ARHGAP10: variants seen among roughly 807,000 people sequenced by gnomAD.
ARHGAP10 encodes rho GTPase-activating protein 10.
A neutral mutation model predicts 108.6 loss-of-function variants in ARHGAP10; 87 were observed. The ratio of observed to expected loss-of-function variants is 0.80; its 90% CI spans 0.67 to 0.96. ARHGAP10 has a LOEUF of 0.96. ARHGAP10 is among the 40% of genes least tolerant of loss of function. The pLI, the probability that ARHGAP10 is intolerant of heterozygous loss-of-function variation, is 0.00. For missense variants in ARHGAP10, 939 were observed against 954.5 expected (o/e 0.98, Z 0.21); for synonymous variants, 347 against 341.1 (o/e 1.02, Z -0.19).
At chr4:147,983,310 C>CA (rs754331704) in intron 18 of ARHGAP10, among the ~76,000 whole-genome samples, 25 of 151,852 alleles carry the variant, frequency 1.6e-4, no homozygotes, top group Non-Finnish European at 3.5e-4. Flanking sequence ...CTCAGCCTCC[C>CA]GAGTAGCTGG....
intron 4 of ARHGAP10, among the ~76,000 whole-genome samples, chr4:147,851,346 A>G (rs1733869844): frequency 1.3e-5 from 2 of 151,954 alleles, no homozygotes; most frequent in Admixed American, 6.6e-5. Context: ...CTGAGCAGCC[A>G]GGACTACAGA....
intron 18 of ARHGAP10, among the ~76,000 whole-genome samples, chr4:147,986,220 T>C (rs1280532706): frequency 1.3e-5 from 2 of 151,764 alleles, no homozygotes; most frequent in Non-Finnish European, 2.9e-5. Flanking sequence ...CCTGATGGAG[T>C]GGTTACAGGG....
intron 18 of ARHGAP10, among the ~76,000 whole-genome samples, chr4:147,968,294 A>C (rs1228996897): frequency 1.3e-5 from 2 of 152,202 alleles, no homozygotes; most frequent in Non-Finnish European, 2.9e-5. Context: ...TCCACTTATT[A>C]AGAAAAATGC....
intron 13 of ARHGAP10, among the ~76,000 whole-genome samples, chr4:147,915,205 C>T (rs572167325): frequency 1.3e-5 from 2 of 152,286 alleles, no homozygotes; most frequent in Admixed American, 6.5e-5. Context: ...ATAACAACAA[C>T]GTATGCCACA....
Position 147,732,101 on chromosome 4 carries a change from T to C in ARHGAP10, c.-201T>C. 2.7e-6 allele frequency: 1 copy of C among 365,776 alleles called. No homozygotes were observed. The highest frequency in any genetic ancestry group is 4.6e-6 in the Non-Finnish European group (1 of 216,578). 22.7% of individuals were successfully genotyped at this position (365,776 alleles called of 1,614,324 possible). On this transcript the variant is annotated 5_prime_UTR_variant, in exon 1 of 23. Transcript: ENST00000336498. ...GCTGCCGGGATTGGGGCGCCGCAGCTAGCGCTGGTCTCGGTGGCAGCTCCT... is the reference window on the plus strand; with the variant it reads ...GCTGCCGGGATTGGGGCGCCGCAGCCAGCGCTGGTCTCGGTGGCAGCTCCT...
intron 19 of ARHGAP10, among the ~76,000 whole-genome samples, chr4:148,035,613 G>A (rs936961416): frequency 5.9e-5 from 9 of 152,178 alleles, no homozygotes. Context: ...GAGTGAGGTC[G>A]TTCTGCCCCT....
At chr4:147,965,658 C>CT (rs1553966829) in intron 17 of ARHGAP10, among the ~76,000 whole-genome samples, 1 of 152,124 alleles carries the variant, frequency 6.6e-6, no homozygotes, top group Non-Finnish European at 1.5e-5. Context: ...TAGAACCTTT[C>CT]TTTTACATAT....
chr4:147,766,268 C>T (rs1187892639), intron 1 of ARHGAP10, among the ~76,000 whole-genome samples: 3 of 152,012 alleles, frequency 2.0e-5, no homozygotes, highest in Admixed American at 6.6e-5. Context: ...CCAGCCTGGG[C>T]GACAGAGCAA....
At chr4:147,829,767 G>A (rs545249266) in intron 3 of ARHGAP10, among the ~76,000 whole-genome samples, 1 of 152,304 alleles carries the variant, frequency 6.6e-6, no homozygotes, top group African/African-American at 2.4e-5. Flanking sequence ...TAGTGTTTAT[G>A]TTGTTCTTTT....
chr4:147,750,395 C>T lies in ARHGAP10; in HGVS notation c.154+17940C>T, dbSNP rs77352317. On this transcript the variant is annotated intron_variant, in intron 1 of 22. Coordinates refer to ENST00000336498, the MANE Select transcript of ARHGAP10 (RefSeq NM_024605.4). ...TGTACATTAGGAAGAAAGAATGGAA[C>T]GGGATTAATACATAATTCAGCTTTG... 4.7e-3 allele frequency among the ~76,000 whole-genome samples: 720 copies of T among 152,132 alleles called. 17 individuals carry two copies. The highest frequency in any genetic ancestry group is 0.044 in the East Asian group (227 of 5,178).
intron 13 of ARHGAP10, among the ~76,000 whole-genome samples, chr4:147,924,063 G>T (rs1737352301): frequency 6.6e-6 from 1 of 152,210 alleles, no homozygotes; most frequent in Admixed American, 6.5e-5. Flanking sequence ...GGGAGTTGAA[G>T]AGTCTTGTGG....
At chr4:147,953,208 T>TA (rs953400991) in intron 15 of ARHGAP10, among the ~76,000 whole-genome samples, 1 of 152,052 alleles carries the variant, frequency 6.6e-6, no homozygotes, top group Non-Finnish European at 1.5e-5. Flanking sequence ...TCATGAGTGA[T>TA]ATTGGTCTGT....
At chr4:147,823,047 G>A in intron 3 of ARHGAP10, 90 bp downstream of exon 3, 4 of 1,311,280 alleles carry the variant, frequency 3.1e-6, no homozygotes, top group South Asian at 1.2e-5. Flanking sequence ...AAGTTGTGAA[G>A]CATTTATCCC....
At chr4:148,007,428 C>A (rs2149650958) in intron 18 of ARHGAP10, among the ~76,000 whole-genome samples, 1 of 152,272 alleles carries the variant, frequency 6.6e-6, no homozygotes, top group East Asian at 1.9e-4. Context: ...AAGAGTGTGA[C>A]AGGTCAGCTT....
intron 1 of ARHGAP10, among the ~76,000 whole-genome samples, chr4:147,749,241 C>A (rs1261385770): frequency 6.6e-6 from 1 of 152,084 alleles, no homozygotes; most frequent in African/African-American, 2.4e-5. Flanking sequence ...AGGTTGTTGG[C>A]ACAGTGAGGT....
intron 18 of ARHGAP10, among the ~76,000 whole-genome samples, chr4:148,011,619 G>T (rs1218088284): frequency 6.6e-6 from 1 of 152,258 alleles, no homozygotes; most frequent in Non-Finnish European, 1.5e-5. Context: ...GATTGAAGCA[G>T]TCAGGAGCCT....
At chr4:147,905,058 T>G (rs570471361) in intron 10 of ARHGAP10, among the ~76,000 whole-genome samples, 30 of 152,316 alleles carry the variant, frequency 2.0e-4, no homozygotes, top group African/African-American at 6.7e-4. Context: ...TCATATCCTT[T>G]GCCCACTTTT....
intron 13 of ARHGAP10, chr4:147,917,224 T>G (rs1737025861): frequency 6.6e-6 from 1 of 152,158 alleles, no homozygotes; most frequent in African/African-American, 2.4e-5. Context: ...TTCTTCAGAG[T>G]GACCACAGAG....
intron 10 of ARHGAP10, among the ~76,000 whole-genome samples, chr4:147,893,087 C>A (rs943406875): frequency 5.9e-5 from 9 of 151,914 alleles, no homozygotes; most frequent in African/African-American, 2.2e-4. Context: ...GAGACGGAGT[C>A]TTGCCCTGTC....
Sources: allele counts gnomAD v4.1 joint callset (sites outside exome capture counted in the v4.1 genomes callset), GRCh38; gene constraint gnomAD v4.1.1; transcripts MANE v1.5; gene names NCBI Gene and HGNC (gene_info 2026-07-23, HGNC 2026-07-21).